Variants in ZNF423 observed in about 807,000 individuals in gnomAD.
ZNF423 encodes zinc finger protein 423, also known as Ebf-associated zinc finger protein.
Under a neutral mutation model 95.8 loss-of-function variants are expected in ZNF423, and 12 were observed. The observed-to-expected ratio is 0.13, with a 90% CI of 0.08 to 0.20. The LOEUF is 0.20. Among genes scored for constraint, ZNF423 ranks in the 10% least tolerant of loss-of-function variants. ZNF423 has a pLI of 1.00. For synonymous variants in ZNF423, 749 were observed against 711.9 expected (o/e 1.05, Z -0.83); for missense variants, 1,316 against 1,737.1 (o/e 0.76, Z 4.31).
intron 5 of ZNF423, among the ~76,000 whole-genome samples, chr16:49,538,968 G>A (rs952689406): frequency 2.6e-5 from 4 of 152,154 alleles, no homozygotes; most frequent in Non-Finnish European, 5.9e-5. Context: ...CACTTTTCTG[G>A]TATTTCTTAC....
intron 2 of ZNF423, among the ~76,000 whole-genome samples, chr16:49,776,684 G>T (rs144653356): frequency 6.6e-6 from 1 of 152,222 alleles, no homozygotes; most frequent in Non-Finnish European, 1.5e-5. Context: ...GCCACAGCAG[G>T]CCAGGCAGGC....
At chr16:49,504,534 A>G (rs1034747176) in intron 7 of ZNF423, among the ~76,000 whole-genome samples, 1 of 152,194 alleles carries the variant, frequency 6.6e-6, no homozygotes, top group African/African-American at 2.4e-5. Flanking sequence ...ATGAGCTGAG[A>G]TTGTGCCACT....
chr16:49,820,234 C>G (rs2034921309), intron 1 of ZNF423, among the ~76,000 whole-genome samples: 1 of 152,164 alleles, frequency 6.6e-6, no homozygotes, highest in African/African-American at 2.4e-5. Context: ...GGCAGACCCC[C>G]TACCTCCCTT....
chr16:49,794,806 G>T (rs2034473282), intron 1 of ZNF423, among the ~76,000 whole-genome samples: 1 of 152,212 alleles, frequency 6.6e-6, no homozygotes, highest in Non-Finnish European at 1.5e-5. Context: ...CATGGACAAT[G>T]CCTGTCTTGT....
At chr16:49,550,835 G>A (rs1027229351) in intron 5 of ZNF423, among the ~76,000 whole-genome samples, 4 of 152,250 alleles carry the variant, frequency 2.6e-5, no homozygotes, top group Non-Finnish European at 5.9e-5. Context: ...ACTGCCCCCA[G>A]CCTGCTGGGC....
intron 1 of ZNF423, among the ~76,000 whole-genome samples, chr16:49,845,376 A>G (rs538941714): frequency 6.6e-6 from 1 of 151,642 alleles, no homozygotes; most frequent in African/African-American, 2.4e-5. Flanking sequence ...AAATGCTGGA[A>G]TTACAGGTGT....
chr16:49,656,981 C>G (rs376136033), intron 3 of ZNF423, among the ~76,000 whole-genome samples: 1 of 152,134 alleles, frequency 6.6e-6, no homozygotes, highest in Non-Finnish European at 1.5e-5. Context: ...AGGCTGTGTT[C>G]CTAACCACCG....
intron 1 of ZNF423, among the ~76,000 whole-genome samples, chr16:49,827,383 C>G (rs371116221): frequency 6.6e-6 from 1 of 152,108 alleles, no homozygotes; most frequent in South Asian, 2.1e-4. Flanking sequence ...CCAACAACAA[C>G]AAGCAGAACA....
chr16:49,627,497 T>C (rs1180124337), intron 4 of ZNF423, among the ~76,000 whole-genome samples: 1 of 132,266 alleles, frequency 7.6e-6, no homozygotes, highest in African/African-American at 2.9e-5. Flanking sequence ...TCTGTCTATA[T>C]ACATACCCAC....
At chr16:49,622,903 A>G (rs184901145) in intron 5 of ZNF423, among the ~76,000 whole-genome samples, 50 of 152,256 alleles carry the variant, frequency 3.3e-4, no homozygotes, top group African/African-American at 1.2e-3. Context: ...TGCTATGTGC[A>G]GTGTCTTCTA....
chr16:49,617,505 A>G (rs1971917582), intron 5 of ZNF423, among the ~76,000 whole-genome samples: 1 of 152,144 alleles, frequency 6.6e-6, no homozygotes, highest in Admixed American at 6.5e-5. Flanking sequence ...AGAGAAGAAC[A>G]TGCTTATGAG....
At chr16:49,674,116 C>T (rs76969151) in intron 3 of ZNF423, among the ~76,000 whole-genome samples, 14,105 of 152,190 alleles carry the variant, frequency 0.093, 750 homozygotes, top group Middle Eastern at 0.17. Flanking sequence ...AGGTGGAAAA[C>T]GGGTAAATGT....
intron 5 of ZNF423, among the ~76,000 whole-genome samples, chr16:49,543,447 C>T (rs1969324371): frequency 2.0e-5 from 3 of 152,202 alleles, no homozygotes; most frequent in Non-Finnish European, 1.5e-5. Context: ...CTCAATTCAG[C>T]GCTCCAGAGG....
chr16:49,726,929 A>G (rs996255439), intron 3 of ZNF423, among the ~76,000 whole-genome samples: 2 of 151,328 alleles, frequency 1.3e-5, no homozygotes, highest in Non-Finnish European at 2.9e-5. Flanking sequence ...ATAACATGTT[A>G]TGTGACAAAC....
intron 5 of ZNF423, among the ~76,000 whole-genome samples, chr16:49,546,090 T>C (rs1317687204): frequency 6.6e-6 from 1 of 152,184 alleles, no homozygotes; most frequent in Non-Finnish European, 1.5e-5. Context: ...ATAAGCAGAA[T>C]GAGAACTGAC....
intron 5 of ZNF423, among the ~76,000 whole-genome samples, chr16:49,555,884 T>G (rs570630849): frequency 3.2e-4 from 48 of 152,248 alleles, no homozygotes; most frequent in Non-Finnish European, 6.8e-4. Flanking sequence ...GATGGATAGA[T>G]GGATGGGTGG....
At chr16:49,845,100 C>T (rs1419913294) in intron 1 of ZNF423, among the ~76,000 whole-genome samples, 8 of 144,920 alleles carry the variant, frequency 5.5e-5, no homozygotes, top group African/African-American at 2.0e-4. Context: ...AAGATTGAGG[C>T]CAGATTTTTT....
rs185780324 is a variant in ZNF423, at chr16:49,759,466, T to C, written c.101-28495A>G. ...GCAATGCAACCCAAGAGCCAGCGAATGGCTGCAGGGTGACATCTAGCCAGC... is the reference window on the plus strand; with the variant it reads ...GCAATGCAACCCAAGAGCCAGCGAACGGCTGCAGGGTGACATCTAGCCAGC... On this transcript the variant is annotated intron_variant, in intron 2 of 7. Transcript: ENST00000563137. Among the ~76,000 whole-genome samples, 68 of 151,854 alleles carry C rather than the reference T, an allele frequency of 4.5e-4. No homozygotes were observed. In the East Asian group the frequency reaches 0.01, roughly 23 times the overall value.
intron 7 of ZNF423, among the ~76,000 whole-genome samples, chr16:49,500,649 C>T (rs1028769889): frequency 1.3e-5 from 2 of 152,018 alleles, no homozygotes; most frequent in African/African-American, 4.8e-5. Flanking sequence ...GGGTGAGTGG[C>T]TCATGCCCGG....
Sources: gnomAD v4.1 joint callset for allele counts (sites outside exome capture counted in the v4.1 genomes callset) on GRCh38, gnomAD v4.1.1 for gene constraint, MANE v1.5 for transcripts, NCBI Gene and HGNC (gene_info 2026-07-23, HGNC 2026-07-21) for gene names.